The following TRIM50 variants were observed in gnomAD, a reference collection of about 807,000 sequenced individuals.
The protein encoded by TRIM50 is tripartite motif containing 50, also known as E3 ubiquitin-protein ligase TRIM50.
Under a neutral mutation model 44.9 loss-of-function variants are expected in TRIM50, and 34 were observed. The ratio of observed to expected loss-of-function variants is 0.76; its 90% CI spans 0.58 to 1.01. The LOEUF is 1.01. Among genes scored for constraint, TRIM50 ranks in the 50% least tolerant of loss-of-function variants. The probability of loss-of-function intolerance (pLI) is 0.00; values close to 1 mark genes in which losing one functional copy is unlikely to be tolerated. For synonymous variants in TRIM50, 307 were observed against 291.1 expected, an observed-to-expected ratio of 1.05 and a Z score of -0.56; for missense variants, 633 against 663.7, an observed-to-expected ratio of 0.95 and a Z score of 0.51.
chr7:73,325,267 AC>A (rs1804597530), intron 1 of TRIM50, among the ~76,000 whole-genome samples: 1 of 152,170 alleles, frequency 6.6e-6, no homozygotes, highest in Middle Eastern at 3.2e-3. Context: ...CTAGAGGCCC[AC>A]CTTCAAAGGA....
In TRIM50 at chr7:73,313,094, C is replaced by T; in HGVS notation, c.1291G>A (p.Asp431Asn). ...EQGELTFFDA[D>N]RPDDLRPLYT... is the part of the protein sequence containing the mutation. ...AGCGGCCGCAGGTCATCGGGGCGGT[C>T]GGCATCGAAGAAGGTGAGTTCGCCC... Residue 431 changes from aspartate to asparagine, a missense_variant, in exon 7 of 7, where the codon GAC (aspartate) becomes AAC (asparagine). Transcript: ENST00000333149. This position sits in a 1 kb window ranked among gnomAD's most constrained non-coding sequence, Gnocchi z 4.9. The T allele has an allele frequency of 4.4e-6, 7 of 1,592,476 alleles. No individual in the cohort carries two copies. The highest frequency in any genetic ancestry group is 6.0e-6 in the Non-Finnish European group (7 of 1,170,160).
In TRIM50 at chr7:73,312,912, C is replaced by A. The variant is rs1255926953; in HGVS notation, c.*9G>T. 2 of 1,519,664 alleles carry A rather than the reference C, an allele frequency of 1.3e-6. No homozygotes were observed. The highest frequency in any genetic ancestry group is 1.8e-6 in the Non-Finnish European group (2 of 1,134,188). 94.1% of individuals were successfully genotyped at this position (1,519,664 alleles called of 1,614,324 possible). A position where few individuals can be genotyped will look rare whatever the true frequency, so the allele number is the denominator to read the frequency against. On this transcript the variant is annotated 3_prime_UTR_variant, in exon 7 of 7. Transcript: ENST00000333149. ...ATGGGCCTGTGGGCCGGCAGGACTC[C>A]GGGCGGCCCTACAGCTTGGTGGGCT...
chr7:73,323,385 T>G (rs1804539589), intron 2 of TRIM50, among the ~76,000 whole-genome samples: 1 of 152,162 alleles, frequency 6.6e-6, no homozygotes, highest in African/African-American at 2.4e-5. Flanking sequence ...AAGGCTAATT[T>G]TGAAACTTTT....
intron 6 of TRIM50, chr7:73,314,453 C>G (rs1187299706): frequency 2.4e-6 from 1 of 421,874 alleles, no homozygotes; most frequent in African/African-American, 2.1e-5. Context: ...ACTGTTGGCC[C>G]TGACTGAGAA....
At position 73,312,970 on chromosome 7, in the gene TRIM50, G is replaced by C; in HGVS notation, c.1415C>G (p.Pro472Arg). ...GSNSLPMVLP[P>R]PSGPGPLSPE... ...GCTGAGGGGGCCAGGCCCGCTGGGC[G>C]GGGGCAGCACCATGGGCAGCGAGTT... Residue 472 changes from proline (P) to arginine (R), a missense_variant, in exon 7 of 7, where the codon CCG becomes CGG. Coordinates refer to ENST00000333149, the MANE Select transcript of TRIM50 (RefSeq NM_178125.3). The C allele has an allele frequency of 1.9e-6, 3 of 1,550,808 alleles. No homozygotes were observed. Among genetic ancestry groups the C allele is most frequent in the Non-Finnish European group, 2.6e-6 (3 of 1,146,814 alleles).
At position 73,319,029 on chromosome 7, in the gene TRIM50, C is replaced by G; in HGVS notation, c.519G>C (p.Trp173Cys). 3 of 1,614,000 alleles carry G rather than the reference C, an allele frequency of 1.9e-6. No homozygotes were observed. Among genetic ancestry groups the G allele is most frequent in the Non-Finnish European group, 2.5e-6 (3 of 1,179,864 alleles). ...GCTCCTGGAACTCGCGGCGGATCACCCAGCTGAAGACATCCGACTCATTCT... is the reference window on the plus strand; with the variant it reads ...GCTCCTGGAACTCGCGGCGGATCACGCAGCTGAAGACATCCGACTCATTCT... Reference protein sequence around the residue: ...RIVNESDVFSWVIRREFQELH... With the variant: ...RIVNESDVFSCVIRREFQELH... Residue 173 changes from tryptophan (W) to cysteine (C), a missense_variant, in exon 4 of 7, where the codon TGG becomes TGC. Coordinates refer to ENST00000333149, the MANE Select transcript of TRIM50 (RefSeq NM_178125.3).
chr7:73,315,927 C>G (rs1371014433), intron 6 of TRIM50, among the ~76,000 whole-genome samples: 2 of 149,736 alleles, frequency 1.3e-5, no homozygotes, highest in African/African-American at 2.5e-5. Flanking sequence ...GTTGCCCAGG[C>G]TGGAGTGCAA....
At position 73,316,626 on chromosome 7, in the gene TRIM50, GC is replaced by G. The variant is rs1427630481; in HGVS notation, c.812del (p.Gly271AlafsTer9). On this transcript the variant is annotated frameshift_variant, in exon 6 of 7. Coordinates refer to ENST00000333149, the MANE Select transcript of TRIM50 (RefSeq NM_178125.3). LOFTEE classifies it high-confidence loss of function. ...GAFSPISFKP[G>X]LHQADIKLTV... ...TCAGCTTGATGTCAGCCTGGTGGAG[GC>G]CTGGCTTGAAGGAGATGGGGCTGAA... The G allele has an allele frequency of 1.2e-5, 19 of 1,614,120 alleles. No homozygotes were observed. The highest frequency in any genetic ancestry group is 1.4e-5 in the Non-Finnish European group (16 of 1,180,052).
intron 2 of TRIM50, among the ~76,000 whole-genome samples, chr7:73,323,703 C>T (rs1554545378): frequency 1.3e-5 from 2 of 152,166 alleles, no homozygotes; most frequent in Non-Finnish European, 2.9e-5. Flanking sequence ...AAATGAAGTC[C>T]CCACCCTCAT....
chr7:73,320,884 C>T (rs1348405998), intron 2 of TRIM50, among the ~76,000 whole-genome samples: 2 of 151,576 alleles, frequency 1.3e-5, no homozygotes, highest in African/African-American at 4.9e-5. Flanking sequence ...ATTAGCCAGG[C>T]GTGGTGGTGC....
intron 5 of TRIM50, among the ~76,000 whole-genome samples, chr7:73,317,253 C>T (rs1804384903): frequency 6.6e-6 from 1 of 151,584 alleles, no homozygotes; most frequent in African/African-American, 2.4e-5. Context: ...ACAGTTTCAC[C>T]ATGTTGCCCA....
chr7:73,324,320 T>C (rs1213746534), intron 2 of TRIM50, 69 bp downstream of exon 2: 5 of 1,607,224 alleles, frequency 3.1e-6, no homozygotes, highest in African/African-American at 2.7e-5. Context: ...TGCCAGGTGA[T>C]GGCACCAGAG....
intron 2 of TRIM50, among the ~76,000 whole-genome samples, 182 bp from the exon 3 acceptor site, chr7:73,320,424 C>T (rs1168912753): frequency 6.6e-6 from 1 of 152,232 alleles, no homozygotes; most frequent in African/African-American, 2.4e-5. Context: ...ATAGTCTGGG[C>T]GCAGAAGCTC....
chr7:73,314,984 TG>T, intron 6 of TRIM50: 2 of 339,204 alleles, frequency 5.9e-6, no homozygotes, highest in South Asian at 2.8e-5. Context: ...AAGGCAAGAC[TG>T]GGATGTCTAG....
rs868976089 is a variant in TRIM50 at position 73,313,085 on chromosome 7, C to T, written c.1300G>A (p.Asp434Asn). Residue 434 changes from aspartate to asparagine, a missense_variant, in exon 7 of 7, where the codon GAT becomes AAT. Physicochemically the swap from Asp to Asn is conservative, Grantham distance 23 (BLOSUM62 1). Transcript: ENST00000333149. The surrounding 1 kb of genome is among the most constrained non-coding windows in gnomAD (Gnocchi z 4.9). ...ELTFFDADRP[D>N]DLRPLYTFQA... The stretch of plus-strand genomic sequence containing the variant: ...AAGGTGTAGAGCGGCCGCAGGTCAT[C>T]GGGGCGGTCGGCATCGAAGAAGGTG... 1.3e-5 allele frequency: 21 copies of T among 1,591,062 alleles called. No individual in the cohort carries two copies. Among genetic ancestry groups the T allele is most frequent in the Admixed American group, 3.6e-5 (2 of 56,242 alleles).
At chr7:73,324,174 G>A (rs1345139325) in intron 2 of TRIM50, among the ~76,000 whole-genome samples, 3 of 152,168 alleles carry the variant, frequency 2.0e-5, no homozygotes, top group Non-Finnish European at 4.4e-5. Flanking sequence ...GGGTGAGCAC[G>A]TGACACCAGG....
At chr7:73,314,132 G>A (rs1804303421) in intron 6 of TRIM50, 2 of 376,866 alleles carry the variant, frequency 5.3e-6, no homozygotes, top group Non-Finnish European at 9.8e-6. Context: ...AAGGCCAAGG[G>A]GAAGAAGGTG....
chr7:73,312,965 T>C lies in TRIM50; in HGVS notation c.1420A>G (p.Ser474Gly). 1 of 1,550,344 alleles carries C rather than the reference T, an allele frequency of 6.5e-7. No individual in the cohort carries two copies. Among genetic ancestry groups the C allele is most frequent in the Non-Finnish European group, 8.7e-7 (1 of 1,146,656 alleles). Reference sequence around the variant, plus strand: ...TCGGGGCTGAGGGGGCCAGGCCCGCTGGGCGGGGGCAGCACCATGGGCAGC... The same window carrying C: ...TCGGGGCTGAGGGGGCCAGGCCCGCCGGGCGGGGGCAGCACCATGGGCAGC... ...NSLPMVLPPP[S>G]GPGPLSPEQP... Residue 474 changes from serine (S) to glycine (G), a missense_variant, in exon 7 of 7, where the codon AGC becomes GGC. By Grantham distance (56) the Ser-to-Gly change is moderately conservative. Coordinates refer to ENST00000333149, the MANE Select transcript of TRIM50 (RefSeq NM_178125.3).
Position 73,312,646 on chromosome 7 carries a change from C to T in TRIM50, c.*275G>A, listed in dbSNP as rs1429196805. 5 of 484,280 alleles carry T rather than the reference C, an allele frequency of 1.0e-5. No homozygotes were observed. The highest frequency in any genetic ancestry group is 1.1e-5 in the Non-Finnish European group (3 of 274,954). The allele number at this position is 484,280 out of a possible 1,614,324, so 30.0% of individuals were successfully genotyped here. On this transcript the variant is annotated 3_prime_UTR_variant, in exon 7 of 7. Coordinates refer to ENST00000333149, the MANE Select transcript of TRIM50 (RefSeq NM_178125.3). ...CTATTTCTGCCCTCGGAAGCGTCTGCGCAGATAGCATGGTTAGCAAGTGGC... is the reference window on the plus strand; with the variant it reads ...CTATTTCTGCCCTCGGAAGCGTCTGTGCAGATAGCATGGTTAGCAAGTGGC...
Sources: allele counts gnomAD v4.1 joint callset (sites outside exome capture counted in the v4.1 genomes callset), GRCh38; gene constraint gnomAD v4.1.1; non-coding constraint Gnocchi (gnomAD v3.1); transcripts MANE v1.5; gene names NCBI Gene and HGNC (gene_info 2026-07-23, HGNC 2026-07-21).